The following MECOM variants were observed in gnomAD, a reference collection of about 807,000 sequenced individuals.
The protein encoded by MECOM is histone-lysine N-methyltransferase MECOM.
In MECOM, 13 loss-of-function variants were observed where a neutral mutation model predicts 116.3. That is an observed-to-expected ratio of 0.11 (90% CI 0.07 to 0.18). MECOM has a LOEUF of 0.18. Ranked by LOEUF, MECOM falls within the 10% of genes least tolerant of loss-of-function variation. The pLI, the probability that MECOM is intolerant of heterozygous loss-of-function variation, is 1.00. For missense variants in MECOM, 1,299 were observed against 1,509.0 expected, an observed-to-expected ratio of 0.86 and a Z score of 2.31; for synonymous variants, 528 against 535.2, an observed-to-expected ratio of 0.99 and a Z score of 0.19.
At chr3:169,352,967 C>T (rs1726621087) in intron 2 of MECOM, among the ~76,000 whole-genome samples, 1 of 152,006 alleles carries the variant, frequency 6.6e-6, no homozygotes, top group Admixed American at 6.6e-5. Context: ...GCTTTGCTGT[C>T]TGGACCAAAA....
At chr3:169,661,982 C>A (rs1213821373) in intron 1 of MECOM, among the ~76,000 whole-genome samples, 2 of 152,234 alleles carry the variant, frequency 1.3e-5, no homozygotes, top group African/African-American at 2.4e-5. Flanking sequence ...CAAGGAAGAG[C>A]GCTCCCAGCC....
At chr3:169,441,020 A>G (rs545704147) in intron 1 of MECOM, among the ~76,000 whole-genome samples, 2 of 152,314 alleles carry the variant, frequency 1.3e-5, no homozygotes, top group South Asian at 4.1e-4. Flanking sequence ...AAATAGTTTA[A>G]ATAATCTAGA....
intron 1 of MECOM, among the ~76,000 whole-genome samples, chr3:169,641,867 A>G (rs1773533306): frequency 6.6e-6 from 1 of 152,340 alleles, no homozygotes; most frequent in African/African-American, 2.4e-5. Flanking sequence ...AATTGTGGGC[A>G]CTGGCAAAGA....
At chr3:169,171,674 C>G (rs1343577883) in intron 2 of MECOM, among the ~76,000 whole-genome samples, 1 of 151,942 alleles carries the variant, frequency 6.6e-6, no homozygotes, top group Non-Finnish European at 1.5e-5. Context: ...TTTTATATTA[C>G]TTCCAAAGGA....
In MECOM at chr3:169,611,369, CA is replaced by C. The variant is rs1769252783; in HGVS notation, c.37+51966del. Among the ~76,000 whole-genome samples the C allele has an allele frequency of 6.6e-6, 1 of 152,200 alleles. No individual in the cohort carries two copies. Among genetic ancestry groups the C allele is most frequent in the Non-Finnish European group, 1.5e-5 (1 of 68,030 alleles). ...TCTGTGGGATCCTGCAGCTCTCAAC[CA>C]TGCGGAGGAACGCTTCCATTCACAC... On this transcript the variant is annotated intron_variant, in intron 1 of 16. Transcript: ENST00000651503. This position sits in a 1 kb window ranked among gnomAD's most constrained non-coding sequence, Gnocchi z 4.1.
At chr3:169,263,545 C>CAG (rs1198187735) in intron 2 of MECOM, among the ~76,000 whole-genome samples, 1 of 151,362 alleles carries the variant, frequency 6.6e-6, no homozygotes, top group Non-Finnish European at 1.5e-5. Flanking sequence ...CACACACACA[C>CAG]AGAGTTCATT....
chr3:169,211,812 C>A (rs947887267), intron 2 of MECOM, among the ~76,000 whole-genome samples: 3 of 152,156 alleles, frequency 2.0e-5, no homozygotes, highest in East Asian at 1.9e-4. Flanking sequence ...AAAGTCCAGA[C>A]CTTTGTATCC....
chr3:169,166,953 T>C (rs1466293796), intron 2 of MECOM, among the ~76,000 whole-genome samples: 1 of 152,154 alleles, frequency 6.6e-6, no homozygotes, highest in Non-Finnish European at 1.5e-5. Flanking sequence ...TATGTTATCT[T>C]CATTTGGCTG....
chr3:169,177,468 G>T (rs1251033632), intron 2 of MECOM, among the ~76,000 whole-genome samples: 1 of 152,046 alleles, frequency 6.6e-6, no homozygotes, highest in Non-Finnish European at 1.5e-5. Flanking sequence ...GGGCCTGTTT[G>T]GGGGTGGAGG....
intron 1 of MECOM, among the ~76,000 whole-genome samples, chr3:169,656,496 C>T (rs190354187): frequency 5.9e-5 from 9 of 152,158 alleles, no homozygotes; most frequent in African/African-American, 1.9e-4. Context: ...ATTCAGTTCC[C>T]TTTTTTTCCA....
chr3:169,160,666 A>G (rs1742710129), intron 2 of MECOM, among the ~76,000 whole-genome samples: 2 of 151,206 alleles, frequency 1.3e-5, no homozygotes, highest in South Asian at 4.2e-4. Flanking sequence ...TGAAATAACT[A>G]AAAGAGTATA....
rs866547016 is a variant in MECOM at position 169,610,880 on chromosome 3, G to A, written c.37+52456C>T. Among the ~76,000 whole-genome samples the A allele has an allele frequency of 3.9e-5, 6 of 152,296 alleles. No homozygotes were observed. In the Middle Eastern group the frequency reaches 0.014, roughly 345 times the overall value. ...CTGGCACATAGTAGATGCACAAAAG[G>A]TGTTTGCTGAATGAATGGATGACTG... On this transcript the variant is annotated intron_variant, in intron 1 of 16. Transcript: ENST00000651503.
intron 1 of MECOM, among the ~76,000 whole-genome samples, chr3:169,607,052 T>C (rs1768671448): frequency 6.6e-6 from 1 of 152,218 alleles, no homozygotes. Context: ...TTTAACCTCA[T>C]TGAACTCTTT....
At position 169,115,594 on chromosome 3, in the gene MECOM, T is replaced by G. The variant is rs1277234526; in HGVS notation, c.2278A>C (p.Lys760Gln). ...DEKPLTPVPS[K>Q]PPVTPATSQD... is the part of the protein sequence containing the mutation. ...CTTGTGGCAGGTGTCACTGGAGGCTTGGAGGGGACTGGAGTCAAGGGCTTC... is the reference window on the plus strand; with the variant it reads ...CTTGTGGCAGGTGTCACTGGAGGCTGGGAGGGGACTGGAGTCAAGGGCTTC... Residue 760 changes from lysine (K) to glutamine (Q), a missense_variant, in exon 8 of 17, where the codon AAG becomes CAG. Transcript: ENST00000651503. 1.9e-6 allele frequency: 3 copies of G among 1,613,960 alleles called. No individual in the cohort carries two copies. In the African/African-American group the frequency reaches 4.0e-5, roughly 22 times the overall value.
intron 9 of MECOM, among the ~76,000 whole-genome samples, chr3:169,110,442 T>G (rs1726967511): frequency 7.1e-6 from 1 of 140,780 alleles, no homozygotes; most frequent in South Asian, 2.3e-4. Context: ...TAAGACTTGA[T>G]GAAAGAGGAA....
chr3:169,423,331 C>T (rs1204937917), intron 1 of MECOM, among the ~76,000 whole-genome samples: 1 of 149,238 alleles, frequency 6.7e-6, no homozygotes, highest in Non-Finnish European at 1.5e-5. Context: ...CAATTAACCT[C>T]TCTTGGTTTC....
chr3:169,120,219 C>T (rs1340025289), intron 7 of MECOM, among the ~76,000 whole-genome samples: 1 of 152,006 alleles, frequency 6.6e-6, no homozygotes, highest in Non-Finnish European at 1.5e-5. Flanking sequence ...TAAAAGAAGC[C>T]CAGATTTTTT....
At chr3:169,325,982 G>C (rs945354021) in intron 2 of MECOM, among the ~76,000 whole-genome samples, 2 of 152,176 alleles carry the variant, frequency 1.3e-5, no homozygotes, top group African/African-American at 4.8e-5. Flanking sequence ...ATATGAAAAA[G>C]ATGAGCCATA....
intron 2 of MECOM, among the ~76,000 whole-genome samples, chr3:169,297,289 T>C (rs1715800346): frequency 6.6e-6 from 1 of 152,228 alleles, no homozygotes; most frequent in African/African-American, 2.4e-5. Flanking sequence ...CCTTAGCTCC[T>C]GGGCTATTAT....
Sources: allele counts gnomAD v4.1 joint callset (sites outside exome capture counted in the v4.1 genomes callset), GRCh38; gene constraint gnomAD v4.1.1; non-coding constraint Gnocchi (gnomAD v3.1); transcripts MANE v1.5; gene names NCBI Gene and HGNC (gene_info 2026-07-23, HGNC 2026-07-21).